Variants in PPARGC1A observed in about 807,000 individuals in gnomAD.
PPARGC1A encodes the protein peroxisome proliferator-activated receptor gamma coactivator 1-alpha.
A neutral mutation model predicts 88.7 loss-of-function variants in PPARGC1A; 25 were observed. That is an observed-to-expected ratio of 0.28 (90% CI 0.21 to 0.39). The LOEUF (loss-of-function observed/expected upper bound fraction) is 0.39. PPARGC1A is among the 10% of genes least tolerant of loss of function. The pLI is 1.00. For missense variants in PPARGC1A, 880 were observed against 968.7 expected (o/e 0.91, Z 1.22); for synonymous variants, 363 against 355.6 (o/e 1.02, Z -0.24).
the PPARGC1A span, among the ~76,000 whole-genome samples, chr4:24,338,352 G>A: frequency 6.6e-6 from 1 of 152,086 alleles, no homozygotes; most frequent in South Asian, 2.1e-4. Context: ...TTTTAATGAT[G>A]TTTTTTAATC....
chr4:24,404,161 G>T, the PPARGC1A span, among the ~76,000 whole-genome samples: 1 of 152,132 alleles, frequency 6.6e-6, no homozygotes, highest in African/African-American at 2.4e-5. Context: ...TACTCAGGAG[G>T]CTGAGGCAGG....
the PPARGC1A span, among the ~76,000 whole-genome samples, chr4:23,958,855 AATAGAAT>A: frequency 6.6e-6 from 1 of 152,160 alleles, no homozygotes; most frequent in Admixed American, 6.6e-5. Context: ...AATATATTCG[AATAGAAT>A]ACTATTTGCC....
chr4:24,230,319 C>T, the PPARGC1A span, among the ~76,000 whole-genome samples: 1 of 152,216 alleles, frequency 6.6e-6, no homozygotes, highest in East Asian at 1.9e-4. Flanking sequence ...AAGCCCCCCA[C>T]TTCAGCGATT....
At chr4:24,298,859 AAAC>A in the PPARGC1A span, among the ~76,000 whole-genome samples, 1 of 152,190 alleles carries the variant, frequency 6.6e-6, no homozygotes, top group East Asian at 1.9e-4. Context: ...CTCAAAATGT[AAAC>A]AACTAGAGGC....
the PPARGC1A span, among the ~76,000 whole-genome samples, chr4:24,246,047 C>A: frequency 6.6e-6 from 1 of 151,810 alleles, no homozygotes; most frequent in South Asian, 2.1e-4. Flanking sequence ...GAATCAGCAA[C>A]GATTTTAAAT....
the PPARGC1A span, among the ~76,000 whole-genome samples, chr4:24,240,589 C>T: frequency 1.3e-5 from 2 of 152,090 alleles, no homozygotes; most frequent in African/African-American, 2.4e-5. Flanking sequence ...GGGGAAAAAT[C>T]GCTACAAGGC....
the PPARGC1A span, among the ~76,000 whole-genome samples, chr4:24,046,903 G>C: frequency 9.2e-5 from 14 of 152,040 alleles, no homozygotes; most frequent in Non-Finnish European, 1.9e-4. Context: ...GCGGGCCCAT[G>C]AGATGGAAGA....
At chr4:24,119,439 G>T in the PPARGC1A span, among the ~76,000 whole-genome samples, 1 of 152,170 alleles carries the variant, frequency 6.6e-6, no homozygotes, top group South Asian at 2.1e-4. Flanking sequence ...GTGGGAGAAA[G>T]ATAAGGGGGC....
the PPARGC1A span, among the ~76,000 whole-genome samples, chr4:24,109,382 C>A: frequency 6.6e-6 from 1 of 151,336 alleles, no homozygotes; most frequent in Non-Finnish European, 1.5e-5. Flanking sequence ...AAGAATGCAA[C>A]TTCTGTGGAT....
At chr4:24,456,702 C>T in the PPARGC1A span, among the ~76,000 whole-genome samples, 1 of 151,630 alleles carries the variant, frequency 6.6e-6, no homozygotes, top group Non-Finnish European at 1.5e-5. Context: ...TCTCAGCTGG[C>T]TAAAAGGAGT....
chr4:24,376,596 C>A, the PPARGC1A span, among the ~76,000 whole-genome samples: 3 of 152,190 alleles, frequency 2.0e-5, no homozygotes, highest in Non-Finnish European at 4.4e-5. Flanking sequence ...GCTCACTGAT[C>A]TTTCCGTTGT....
the PPARGC1A span, among the ~76,000 whole-genome samples, chr4:24,280,528 G>A: frequency 6.6e-6 from 1 of 152,116 alleles, no homozygotes; most frequent in African/African-American, 2.4e-5. Context: ...GGAAAGAAGG[G>A]AAAGGAAGGC....
At chr4:24,320,658 G>A in the PPARGC1A span, among the ~76,000 whole-genome samples, 1 of 152,048 alleles carries the variant, frequency 6.6e-6, no homozygotes, top group Non-Finnish European at 1.5e-5. Flanking sequence ...TTTTGATGCC[G>A]AAGCCAGTAA....
At chr4:24,241,389 C>T in the PPARGC1A span, among the ~76,000 whole-genome samples, 2 of 152,206 alleles carry the variant, frequency 1.3e-5, no homozygotes, top group African/African-American at 4.8e-5. Context: ...ACAGGGGTAA[C>T]ATTTTAATCT....
At chr4:23,891,843 T>C (rs1717902034), upstream of PPARGC1A, among the ~76,000 whole-genome samples, 1 of 152,210 alleles carries the variant, frequency 6.6e-6, no homozygotes, top group Admixed American at 6.5e-5. Flanking sequence ...GTGGCATTAC[T>C]CTGCACTCCC....
the PPARGC1A span, among the ~76,000 whole-genome samples, chr4:24,390,643 C>G: frequency 6.6e-6 from 1 of 151,998 alleles, no homozygotes; most frequent in Non-Finnish European, 1.5e-5. Flanking sequence ...CACTGGGATA[C>G]TGTGTACGCT....
At chr4:24,424,907 C>A in the PPARGC1A span, among the ~76,000 whole-genome samples, 3 of 152,116 alleles carry the variant, frequency 2.0e-5, no homozygotes, top group South Asian at 2.1e-4. Context: ...CAGAGCCAGT[C>A]GGCACTTTGA....
At chr4:23,940,552 G>A in the PPARGC1A span, among the ~76,000 whole-genome samples, 6 of 152,190 alleles carry the variant, frequency 3.9e-5, no homozygotes, top group Admixed American at 1.3e-4. Context: ...AAACAAAAAA[G>A]AAAAATCTCA....
chr4:24,000,559 C>T, the PPARGC1A span, among the ~76,000 whole-genome samples: 5 of 151,874 alleles, frequency 3.3e-5, no homozygotes, highest in African/African-American at 1.2e-4. Context: ...TGCACTGATA[C>T]AGACAGAGCA....
Sources: gnomAD v4.1 joint callset for allele counts (sites outside exome capture counted in the v4.1 genomes callset) on GRCh38, gnomAD v4.1.1 for gene constraint, MANE v1.5 for transcripts, NCBI Gene and HGNC (gene_info 2026-07-23, HGNC 2026-07-21) for gene names.